The following ZNF639 variants were observed in gnomAD, a reference collection of about 807,000 sequenced individuals.
ZNF639 encodes zinc finger amplified in esophageal squamous cell carcinomas 1.
A neutral mutation model predicts 39.8 loss-of-function variants in ZNF639; 20 were observed. That is an observed-to-expected ratio of 0.50 (90% CI 0.35 to 0.73). ZNF639 has a LOEUF of 0.73. Among genes scored for constraint, ZNF639 ranks in the 30% least tolerant of loss-of-function variants. ZNF639 has a pLI of 0.00. For missense variants in ZNF639, 477 were observed against 566.2 expected (o/e 0.84, Z 1.60); for synonymous variants, 176 against 189.8 (o/e 0.93, Z 0.60).
rs1728076822 is a variant in ZNF639, at chr3:179,334,014, G to C, written c.1050G>C (p.Lys350Asn). The C allele has an allele frequency of 6.2e-7, 1 of 1,614,170 alleles. No homozygotes were observed. Among genetic ancestry groups the C allele is most frequent in the Non-Finnish European group, 8.5e-7 (1 of 1,180,028 alleles). The change falls in exon 6 of 6, where the codon AAG (lysine) becomes AAC (asparagine). Residue 350 changes from lysine (K) to asparagine (N), a missense_variant. By Grantham distance (94) the Lys-to-Asn change is moderately conservative (BLOSUM62 0). Coordinates refer to ENST00000496856, the MANE Select transcript of ZNF639 (RefSeq NM_001303426.2). ...GTAAATTAATAGAGTTAAGTGATAAGTATAACAATGGTGAACATGGACAGT... is the reference window on the plus strand; with the variant it reads ...GTAAATTAATAGAGTTAAGTGATAACTATAACAATGGTGAACATGGACAGT... ...HACKLIELSDKYNNGEHGQYS... is the reference protein window; with the variant it reads ...HACKLIELSDNYNNGEHGQYS...
intron 4 of ZNF639, among the ~76,000 whole-genome samples, chr3:179,331,122 T>C (rs1026583129): frequency 6.6e-6 from 1 of 152,138 alleles, no homozygotes; most frequent in African/African-American, 2.4e-5. Context: ...AGGAAAGTAC[T>C]TAAAAAAACC....
Position 179,333,922 on chromosome 3 carries a change from C to T in ZNF639, c.958C>T (p.Gln320Ter), listed in dbSNP as rs762514987. Residue 320 changes from glutamine (Q) to a stop codon, truncating the protein, a stop_gained, in exon 6 of 6, where the codon CAG becomes TAG. Coordinates refer to ENST00000496856, the MANE Select transcript of ZNF639 (RefSeq NM_001303426.2). LOFTEE classifies it high-confidence loss of function. The part of the protein sequence containing the change: ...EHSCDEQYLC[Q>*]FCEHETNDPE... ...CAGCTGTGATGAACAGTACTTGTGT[C>T]AGTTCTGTGAACATGAAACTAATGA... is the stretch of plus-strand genomic sequence containing the variant. 6.2e-7 allele frequency: 1 copy of T among 1,614,112 alleles called. No homozygotes were observed. The highest frequency in any genetic ancestry group is 8.5e-7 in the Non-Finnish European group (1 of 1,180,002).
chr3:179,333,186 T>A, intron 5 of ZNF639, 63 bp downstream of exon 5: 1 of 1,560,264 alleles, frequency 6.4e-7, no homozygotes, highest in Non-Finnish European at 8.6e-7. Context: ...AAAAAGTGCA[T>A]GCAATAAATT....
chr3:179,334,425 A>C lies in ZNF639; in HGVS notation c.*3A>C. On this transcript the variant is annotated 3_prime_UTR_variant, in exon 6 of 6. Coordinates refer to ENST00000496856, the MANE Select transcript of ZNF639 (RefSeq NM_001303426.2). ...TTCCAGTCCATGAGACAACTTGATT[A>C]TTCTCTTTAACTTACAGAATGTTAG... The C allele has an allele frequency of 6.6e-7, 1 of 1,516,070 alleles. No homozygotes were observed. Among genetic ancestry groups the C allele is most frequent in the Non-Finnish European group, 8.8e-7 (1 of 1,135,222 alleles). The allele number at this position is 1,516,070 out of a possible 1,614,324, so 93.9% of individuals were successfully genotyped here. A position where few individuals can be genotyped will look rare whatever the true frequency, so the allele number is the denominator to read the frequency against.
In ZNF639 at chr3:179,323,153, C is replaced by T; in HGVS notation, c.-221C>T. ...AGGGAGAGGGGTCGGCCCAGCACAG[C>T]GTCCGGGAGCGCTAGGGCCGGAGCA... On this transcript the variant is annotated 5_prime_UTR_variant, in exon 1 of 6. Transcript: ENST00000496856. The T allele has an allele frequency of 5.1e-6, 5 of 984,530 alleles. No homozygotes were observed. Among genetic ancestry groups the T allele is most frequent in the Non-Finnish European group, 6.0e-6 (5 of 829,686 alleles). 61.0% of individuals were successfully genotyped at this position (984,530 alleles called of 1,614,324 possible). A position where few individuals can be genotyped will look rare whatever the true frequency, so the allele number is the denominator to read the frequency against.
chr3:179,328,431 T>C (rs74759327), intron 3 of ZNF639, 80 bp downstream of exon 3: 1 of 1,005,840 alleles, frequency 9.9e-7, no homozygotes, highest in East Asian at 2.5e-5. Context: ...TCCTAAGTGA[T>C]CAGATAAGAC....
chr3:179,326,085 C>A (rs1198004773), intron 1 of ZNF639, among the ~76,000 whole-genome samples: 1 of 151,936 alleles, frequency 6.6e-6, no homozygotes, highest in African/African-American at 2.4e-5. Context: ...AATCCCAGCA[C>A]TTTGGGAGGC....
In ZNF639 at chr3:179,333,442, TC is replaced by T; in HGVS notation, c.479del (p.Ser160LeufsTer26). ...TGATATAGAGACAGAAAACAATTCC[TC>T]TGAGAGTCTCCAAGACCAAACTGAT... The part of the protein sequence containing the change: ...DYDIETENNS[S>X]ESLQDQTDEE... On this transcript the variant is annotated frameshift_variant, in exon 6 of 6. Coordinates refer to ENST00000496856, the MANE Select transcript of ZNF639 (RefSeq NM_001303426.2). LOFTEE classifies it high-confidence loss of function. The T allele has an allele frequency of 6.2e-7, 1 of 1,614,098 alleles. No homozygotes were observed. The highest frequency in any genetic ancestry group is 8.5e-7 in the Non-Finnish European group (1 of 1,179,992).
Position 179,334,197 on chromosome 3 carries a change from C to A in ZNF639, c.1233C>A (p.Gly411=), listed in dbSNP as rs1728090750. ...FPHVCDDCGK[G]FSSMLEYCKH... The stretch of plus-strand genomic sequence containing the variant: ...ATGTTTGTGATGACTGTGGGAAAGG[C>A]TTTTCAAGTATGCTAGAATATTGCA... Residue 411 remains glycine, a synonymous_variant, in exon 6 of 6, where the codon GGC becomes GGA. Coordinates refer to ENST00000496856, the MANE Select transcript of ZNF639 (RefSeq NM_001303426.2). The A allele has an allele frequency of 1.9e-6, 3 of 1,613,812 alleles. No homozygotes were observed. The African/African-American group carries it at 4.0e-5, about 22-fold the overall frequency.
intron 1 of ZNF639, chr3:179,325,375 T>G (rs1727528785): frequency 6.6e-6 from 1 of 152,222 alleles, no homozygotes; most frequent in Non-Finnish European, 1.5e-5. Flanking sequence ...GGTTGTCTGT[T>G]TCTTTAGGCT....
chr3:179,328,441 CTTAA>C, intron 3 of ZNF639, 90 bp downstream of exon 3: 1 of 834,656 alleles, frequency 1.2e-6, no homozygotes, highest in Admixed American at 2.8e-5. Flanking sequence ...TCAGATAAGA[CTTAA>C]ATATCTGGGT....
Position 179,333,106 on chromosome 3 carries a change from A to G in ZNF639, c.287A>G (p.His96Arg). The stretch of plus-strand genomic sequence containing the variant: ...AGTCCTGTACTTAGAATTCTAGACC[A>G]CACTGCCTTTTCTACAGGTTGGGGG... ...VPSPVLRILD[H>R]TAFSTEKSAD... Residue 96 changes from histidine (H) to arginine (R), a missense_variant, in exon 5 of 6, where the codon CAC becomes CGC. Coordinates refer to ENST00000496856, the MANE Select transcript of ZNF639 (RefSeq NM_001303426.2). The G allele has an allele frequency of 6.2e-7, 1 of 1,602,944 alleles. No homozygotes were observed. Among genetic ancestry groups the G allele is most frequent in the Non-Finnish European group, 8.5e-7 (1 of 1,175,056 alleles).
chr3:179,325,616 G>C (rs944558182), intron 1 of ZNF639, among the ~76,000 whole-genome samples: 1 of 152,330 alleles, frequency 6.6e-6, no homozygotes, highest in African/African-American at 2.4e-5. Context: ...TGAAAAGGCC[G>C]GGCGCGGTGG....
At chr3:179,328,378 G>T in intron 3 of ZNF639, 27 bp downstream of exon 3, 1 of 1,485,198 alleles carries the variant, frequency 6.7e-7, no homozygotes, top group East Asian at 2.3e-5. Flanking sequence ...TTTAAAGTTG[G>T]GTATGGATTA....
At chr3:179,329,353 TTG>T (rs1220078062) in intron 3 of ZNF639, among the ~76,000 whole-genome samples, 12 of 152,214 alleles carry the variant, frequency 7.9e-5, no homozygotes, top group Non-Finnish European at 1.6e-4. Flanking sequence ...TATTTTTATT[TTG>T]TGTGATTCTG....
At chr3:179,329,188 T>C (rs576422896) in intron 3 of ZNF639, among the ~76,000 whole-genome samples, 9 of 152,346 alleles carry the variant, frequency 5.9e-5, no homozygotes, top group African/African-American at 2.2e-4. Flanking sequence ...TACTGCTTAC[T>C]GGCCCTTCCT....
chr3:179,328,203 A>C, intron 2 of ZNF639, 80 bp from the exon 3 acceptor site: 1 of 789,922 alleles, frequency 1.3e-6, no homozygotes. Context: ...ATTGCCAATA[A>C]ATTCTTCAGT....
chr3:179,323,791 G>A (rs1266317787), intron 1 of ZNF639: 5 of 152,266 alleles, frequency 3.3e-5, no homozygotes, highest in African/African-American at 1.2e-4. Flanking sequence ...GAGAGCAGGC[G>A]TCGATGCTGG....
chr3:179,332,100 C>A (rs773624793), intron 4 of ZNF639, among the ~76,000 whole-genome samples: 2 of 152,082 alleles, frequency 1.3e-5, no homozygotes, highest in Non-Finnish European at 2.9e-5. Context: ...AATGTGGTAT[C>A]CTGGAACAGA....
Sources: allele counts gnomAD v4.1 joint callset (sites outside exome capture counted in the v4.1 genomes callset), GRCh38; gene constraint gnomAD v4.1.1; transcripts MANE v1.5; gene names NCBI Gene and HGNC (gene_info 2026-07-23, HGNC 2026-07-21).